SYNE2: variants seen among roughly 807,000 people sequenced by gnomAD.
SYNE2 encodes spectrin repeat containing nuclear envelope protein 2, also known as nesprin-2.
A neutral mutation model predicts 856.3 loss-of-function variants in SYNE2; 431 were observed. That is an observed-to-expected ratio of 0.50 (90% CI 0.47 to 0.55). SYNE2 has a LOEUF of 0.55. Ranked by LOEUF, SYNE2 falls within the 20% of genes least tolerant of loss-of-function variation. SYNE2 has a pLI of 0.00. For missense variants in SYNE2, 8,129 were observed against 8,023.2 expected (o/e 1.01, Z -0.50); for synonymous variants, 2,923 against 2,872.3 (o/e 1.02, Z -0.56).
chr14:64,030,948 AT>A lies in SYNE2; in HGVS notation c.6880-65del, dbSNP rs1402541549. 2.1e-5 allele frequency: 25 copies of A among 1,212,274 alleles called. No homozygotes were observed. In the East Asian group the frequency reaches 5.8e-4, roughly 28 times the overall value. The allele number at this position is 1,212,274 out of a possible 1,614,324, so 75.1% of individuals were successfully genotyped here. A position where few individuals can be genotyped will look rare whatever the true frequency, so the allele number is the denominator to read the frequency against. ...ACTGGTGAAGCAAGAGTACTCTGTG[AT>A]TTACAAAAGTCAATTAACTTTTGTG... is the stretch of plus-strand genomic sequence containing the variant. On this transcript the variant is annotated intron_variant, in intron 44 of 115. Transcript: ENST00000555002.
chr14:64,188,618 AGAGTTG>A lies in SYNE2; in HGVS notation c.17782_17787del (p.Glu5928_Leu5929del). ...GGGTTGTATTCAATGAAAAAAATAA[AGAGTTG>A]TGTGCCTGGCTGGTGCAGATGGAAA... is the stretch of plus-strand genomic sequence containing the variant. On this transcript the variant is annotated inframe_deletion, in exon 98 of 116. Transcript: ENST00000555002. 6.2e-7 allele frequency: 1 copy of A among 1,614,272 alleles called. No homozygotes were observed. The highest frequency in any genetic ancestry group is 1.1e-5 in the South Asian group (1 of 91,082).
At chr14:63,936,035 T>C (rs1419986110) in intron 2 of SYNE2, among the ~76,000 whole-genome samples, 3 of 152,044 alleles carry the variant, frequency 2.0e-5, no homozygotes, top group Non-Finnish European at 4.4e-5. Flanking sequence ...CCACCATGCC[T>C]GGCTAATTTT....
intron 71 of SYNE2, among the ~76,000 whole-genome samples, chr14:64,125,859 C>T (rs1230357814): frequency 1.3e-5 from 2 of 152,176 alleles, no homozygotes; most frequent in African/African-American, 4.8e-5. Flanking sequence ...GCAGCCTGCT[C>T]CTGTTTTTAA....
At chr14:63,790,996 C>T (rs1887711214) in intron 1 of SYNE2, among the ~76,000 whole-genome samples, 2 of 151,764 alleles carry the variant, frequency 1.3e-5, no homozygotes, top group South Asian at 2.1e-4. Flanking sequence ...GTCTCGCTGT[C>T]GCCCAGGCTG....
chr14:63,974,884 G>GTATA (rs1261730365), intron 11 of SYNE2, among the ~76,000 whole-genome samples: 7 of 27,292 alleles, frequency 2.6e-4, no homozygotes, highest in East Asian at 1.3e-3. Flanking sequence ...GTGTGTGTGT[G>GTATA]TGTGTGTGTA....
intron 1 of SYNE2, among the ~76,000 whole-genome samples, chr14:63,814,864 C>A (rs191220671): frequency 3.3e-4 from 10 of 30,070 alleles, no homozygotes; most frequent in South Asian, 2.4e-3. Context: ...CCATATATAT[C>A]TCTCCATATA....
intron 84 of SYNE2, 125 bp from the exon 85 acceptor site, chr14:64,152,439 T>C: frequency 1.1e-6 from 1 of 886,724 alleles, no homozygotes; most frequent in Middle Eastern, 3.2e-4. Flanking sequence ...TTCTTTGATG[T>C]AATGCTATTT....
chr14:64,100,799 T>G (rs2097722322), intron 63 of SYNE2, among the ~76,000 whole-genome samples: 1 of 151,474 alleles, frequency 6.6e-6, no homozygotes, highest in Non-Finnish European at 1.5e-5. Flanking sequence ...TAATGTCCTT[T>G]GACAGACATT....
Position 63,942,034 on chromosome 14 carries a change from C to T in SYNE2, c.316-17C>T, listed in dbSNP as rs1484981222. On this transcript the variant is annotated splice_polypyrimidine_tract_variant and intron_variant, in intron 5 of 115. Transcript: ENST00000555002. ...TGGGATATTTCCTCCTTTTAACCTG[C>T]ACTTTTTGTTTTCCAGATTAAGCTA... The T allele has an allele frequency of 1.9e-6, 3 of 1,597,466 alleles. No homozygotes were observed. Among genetic ancestry groups the T allele is most frequent in the Non-Finnish European group, 2.6e-6 (3 of 1,165,708 alleles).
chr14:64,075,045 C>T (rs74455419), intron 53 of SYNE2, among the ~76,000 whole-genome samples: 1 of 152,142 alleles, frequency 6.6e-6, no homozygotes, highest in African/African-American at 2.4e-5. Context: ...TTATTAAACC[C>T]CATCTTTGAA....
At chr14:63,935,977 C>T (rs1017114859) in intron 2 of SYNE2, among the ~76,000 whole-genome samples, 4 of 152,278 alleles carry the variant, frequency 2.6e-5, no homozygotes, top group East Asian at 1.9e-4. Context: ...CACATTCAAG[C>T]GATTCTCCTG....
intron 96 of SYNE2, among the ~76,000 whole-genome samples, chr14:64,179,595 T>A (rs972444108): frequency 2.6e-5 from 4 of 152,236 alleles, no homozygotes; most frequent in African/African-American, 4.8e-5. Context: ...GATTTTTTTT[T>A]AAACTTTTGC....
At chr14:64,208,481 G>A (rs2098620435) in intron 100 of SYNE2, among the ~76,000 whole-genome samples, 1 of 152,230 alleles carries the variant, frequency 6.6e-6, no homozygotes, top group Non-Finnish European at 1.5e-5. Context: ...ACCTGTCAGT[G>A]CGTAGAGGAC....
chr14:64,076,204 TAAC>T (rs2097457500), intron 54 of SYNE2, 104 bp downstream of exon 54: 2 of 1,300,624 alleles, frequency 1.5e-6, no homozygotes, highest in Non-Finnish European at 2.2e-6. Context: ...ATTTCAGCTA[TAAC>T]TTCTTTTAAG....
Position 64,129,978 on chromosome 14 carries a change from T to A in SYNE2, c.14140-70T>A, listed in dbSNP as rs1447964102. The stretch of plus-strand genomic sequence containing the variant: ...ATCCTTTTCTTCCACCAGCAGAGTT[T>A]AGATTTGTCTTTCAGTTATTGCCCC... On this transcript the variant is annotated intron_variant, in intron 75 of 115. Transcript: ENST00000555002. 4 of 1,613,476 alleles carry A rather than the reference T, an allele frequency of 2.5e-6. No individual in the cohort carries two copies. The African/African-American group carries it at 5.3e-5, about 22-fold the overall frequency.
intron 2 of SYNE2, 92 bp downstream of exon 2, chr14:63,909,319 A>G: frequency 2.6e-6 from 2 of 764,284 alleles, no homozygotes; most frequent in Admixed American, 4.4e-5. Context: ...CGTCTCTCTT[A>G]TGGAGATAAA....
chr14:64,176,438 T>G (rs1056827963), intron 95 of SYNE2, among the ~76,000 whole-genome samples: 1 of 152,166 alleles, frequency 6.6e-6, no homozygotes, highest in African/African-American at 2.4e-5. Flanking sequence ...GTTAATAAAG[T>G]TGAAAATGCT....
intron 1 of SYNE2, among the ~76,000 whole-genome samples, chr14:63,891,242 T>TAAAC: frequency 6.6e-6 from 1 of 152,148 alleles, no homozygotes; most frequent in East Asian, 1.9e-4. Flanking sequence ...AAAAACAGTT[T>TAAAC]TAATTACTTA....
chr14:64,046,597 C>G (rs1238202665), intron 45 of SYNE2, among the ~76,000 whole-genome samples: 1 of 152,208 alleles, frequency 6.6e-6, no homozygotes, highest in Non-Finnish European at 1.5e-5. Flanking sequence ...ATCAAGCAAT[C>G]CACCTACCTC....
Sources: gnomAD v4.1 joint callset for allele counts (sites outside exome capture counted in the v4.1 genomes callset) on GRCh38, gnomAD v4.1.1 for gene constraint, MANE v1.5 for transcripts, NCBI Gene and HGNC (gene_info 2026-07-23, HGNC 2026-07-21) for gene names.